The following RNF220 variants were observed in gnomAD, a reference collection of about 807,000 sequenced individuals.
RNF220 encodes the protein E3 ubiquitin-protein ligase RNF220.
A neutral mutation model predicts 67.1 loss-of-function variants in RNF220; 7 were observed. That is an observed-to-expected ratio of 0.10 (90% confidence interval 0.06 to 0.20). RNF220 has a LOEUF of 0.20. Ranked by LOEUF, RNF220 falls within the 10% of genes least tolerant of loss-of-function variation. The probability of loss-of-function intolerance (pLI) is 1.00; values close to 1 mark genes in which losing one functional copy is unlikely to be tolerated. For synonymous variants in RNF220, 270 were observed against 283.2 expected (o/e 0.95, Z 0.47); for missense variants, 565 against 740.3 (o/e 0.76, Z 2.75).
chr1:44,463,723 T>C (rs981692103), intron 2 of RNF220, among the ~76,000 whole-genome samples: 1 of 152,224 alleles, frequency 6.6e-6, no homozygotes, highest in Non-Finnish European at 1.5e-5. Flanking sequence ...ATTTTAGATG[T>C]CTCCTGACCT....
intron 2 of RNF220, among the ~76,000 whole-genome samples, chr1:44,485,222 G>A (rs553603156): frequency 3.3e-5 from 5 of 152,352 alleles, no homozygotes; most frequent in African/African-American, 1.2e-4. Flanking sequence ...ACCCCTGCCT[G>A]AAGAGATGCA....
intron 2 of RNF220, among the ~76,000 whole-genome samples, chr1:44,575,508 T>G (rs6682263): frequency 0.025 from 3,766 of 152,206 alleles, 152 homozygotes; most frequent in African/African-American, 0.086. Context: ...CAGACATTTC[T>G]CAAAATAAGA....
chr1:44,493,470 T>C (rs1035287940), intron 2 of RNF220, among the ~76,000 whole-genome samples: 7 of 152,050 alleles, frequency 4.6e-5, no homozygotes, highest in African/African-American at 1.7e-4. Flanking sequence ...GCCAAGATCG[T>C]GCCATTGCAC....
In RNF220 at chr1:44,528,141, G is replaced by A. The variant is rs76373674; in HGVS notation, c.626-86024G>A. The stretch of plus-strand genomic sequence containing the variant: ...AAGTATAGCAGAACATTTGATGTCC[G>A]TAATATGTAAAGAGTGCTTACAAAT... On this transcript the variant is annotated intron_variant, in intron 2 of 14. Transcript: ENST00000361799. 5.0e-3 allele frequency among the ~76,000 whole-genome samples: 759 copies of A among 152,046 alleles called. 11 individuals carry two copies. Among genetic ancestry groups the A allele is most frequent in the African/African-American group, 0.017 (724 of 41,478 alleles).
At chr1:44,522,179 G>A (rs771961210) in intron 2 of RNF220, among the ~76,000 whole-genome samples, 4 of 152,170 alleles carry the variant, frequency 2.6e-5, no homozygotes, top group Admixed American at 6.5e-5. Flanking sequence ...ATTTCCATGT[G>A]GGAAGCTCCA....
intron 2 of RNF220, among the ~76,000 whole-genome samples, chr1:44,570,811 C>T (rs921413313): frequency 5.3e-5 from 8 of 152,338 alleles, no homozygotes; most frequent in African/African-American, 1.7e-4. Flanking sequence ...TGGTGTCTCA[C>T]ACCTGTAATC....
chr1:44,603,620 T>C (rs960456520), intron 2 of RNF220, among the ~76,000 whole-genome samples: 1 of 152,138 alleles, frequency 6.6e-6, no homozygotes, highest in Non-Finnish European at 1.5e-5. Flanking sequence ...AAGTCAGTAA[T>C]TGATGCTAAT....
chr1:44,598,802 T>C (rs943853176), intron 2 of RNF220, among the ~76,000 whole-genome samples: 1 of 152,178 alleles, frequency 6.6e-6, no homozygotes, highest in African/African-American at 2.4e-5. Flanking sequence ...GTTCTGGAGC[T>C]TCTGTATTTC....
At chr1:44,582,377 C>T (rs774159162) in intron 2 of RNF220, among the ~76,000 whole-genome samples, 4 of 152,084 alleles carry the variant, frequency 2.6e-5, no homozygotes, top group Non-Finnish European at 5.9e-5. Flanking sequence ...AAAGAAGGGC[C>T]CTCCAGCAAA....
intron 2 of RNF220, among the ~76,000 whole-genome samples, chr1:44,435,607 C>G (rs1650884872): frequency 6.6e-6 from 1 of 152,016 alleles, no homozygotes; most frequent in African/African-American, 2.4e-5. Flanking sequence ...CTTGTGCTGG[C>G]CTTCAAATAA....
At chr1:44,568,725 G>A (rs775276860) in intron 2 of RNF220, among the ~76,000 whole-genome samples, 7 of 152,228 alleles carry the variant, frequency 4.6e-5, no homozygotes, top group African/African-American at 1.2e-4. Flanking sequence ...AGGCTGGGAC[G>A]CGTGCAGAAG....
chr1:44,613,733 C>A, intron 2 of RNF220, among the ~76,000 whole-genome samples: 1 of 152,112 alleles, frequency 6.6e-6, no homozygotes. Flanking sequence ...AAAAATTAGC[C>A]AAGTGTGGTG....
At chr1:44,503,769 G>A (rs1658151131) in intron 2 of RNF220, among the ~76,000 whole-genome samples, 1 of 152,182 alleles carries the variant, frequency 6.6e-6, no homozygotes, top group African/African-American at 2.4e-5. Flanking sequence ...CATCACCTGG[G>A]AATTTAGAAA....
chr1:44,442,625 C>T (rs978127287), intron 2 of RNF220, among the ~76,000 whole-genome samples: 1 of 151,668 alleles, frequency 6.6e-6, no homozygotes, highest in Non-Finnish European at 1.5e-5. Flanking sequence ...AGCAATCCTC[C>T]CAGCTCAGCC....
chr1:44,470,974 C>G (rs1056007587), intron 2 of RNF220, among the ~76,000 whole-genome samples: 1 of 152,144 alleles, frequency 6.6e-6, no homozygotes, highest in Non-Finnish European at 1.5e-5. Context: ...CAGCATTGAC[C>G]TCCACCTCCA....
intron 2 of RNF220, among the ~76,000 whole-genome samples, chr1:44,588,100 G>T (rs1303794125): frequency 5.3e-5 from 8 of 152,204 alleles, no homozygotes; most frequent in Admixed American, 3.9e-4. Context: ...ATCATAAGCG[G>T]CGCTGGCAGG....
intron 2 of RNF220, among the ~76,000 whole-genome samples, chr1:44,506,133 G>A (rs1020636661): frequency 3.3e-5 from 5 of 152,346 alleles, no homozygotes; most frequent in Admixed American, 3.3e-4. Flanking sequence ...CAATGCCCAG[G>A]CACTCTAGCC....
At chr1:44,603,672 G>T (rs1006546027) in intron 2 of RNF220, among the ~76,000 whole-genome samples, 1 of 152,092 alleles carries the variant, frequency 6.6e-6, no homozygotes, top group African/African-American at 2.4e-5. Context: ...TTAGCAGCAC[G>T]TGGCTGGCTG....
intron 2 of RNF220, among the ~76,000 whole-genome samples, chr1:44,454,980 T>C (rs1388328792): frequency 1.3e-5 from 2 of 152,220 alleles, no homozygotes; most frequent in East Asian, 1.9e-4. Context: ...GGGGCAGTTA[T>C]GAATAAAGCT....
Sources: allele counts gnomAD v4.1 joint callset (sites outside exome capture counted in the v4.1 genomes callset), GRCh38; gene constraint gnomAD v4.1.1; transcripts MANE v1.5; gene names NCBI Gene and HGNC (gene_info 2026-07-23, HGNC 2026-07-21).